The following MEIS3 variants were observed in gnomAD, a reference collection of about 807,000 sequenced individuals.
The protein encoded by MEIS3 is Meis homeobox 3, also known as homeobox protein Meis3.
A neutral mutation model predicts 51.4 loss-of-function variants in MEIS3; 38 were observed. The ratio of observed to expected loss-of-function variants is 0.74; its 90% CI spans 0.57 to 0.97. The LOEUF (loss-of-function observed/expected upper bound fraction) is 0.97, where lower values mean the gene tolerates loss of function less well. Ranked by LOEUF, MEIS3 falls within the 50% of genes least tolerant of loss-of-function variation. The pLI is 0.00. For missense variants in MEIS3, 456 were observed against 502.6 expected (o/e 0.91, Z 0.89); for synonymous variants, 198 against 201.8 (o/e 0.98, Z 0.16).
intron 12 of MEIS3, 141 bp from the exon 13 acceptor site, chr19:47,403,694 G>T: frequency 3.0e-6 from 1 of 333,142 alleles, no homozygotes; most frequent in South Asian, 2.2e-5. Context: ...CAGGGATGTG[G>T]GAGGGTCACA....
At chr19:47,419,849 C>CCCCT (rs1971641290), upstream of MEIS3, among the ~76,000 whole-genome samples, 2 of 152,064 alleles carry the variant, frequency 1.3e-5, no homozygotes, top group African/African-American at 4.8e-5. Flanking sequence ...TTCTCCGAGC[C>CCCCT]CCCTGGACAC....
intron 7 of MEIS3, 94 bp from the exon 8 acceptor site, chr19:47,409,341 C>T (rs2122497541): frequency 1.9e-6 from 3 of 1,576,406 alleles, no homozygotes; most frequent in Non-Finnish European, 2.6e-6. Context: ...CTCCACACCC[C>T]AGCCATCTCT....
chr19:47,418,551 CT>C (rs980060209), intron 1 of MEIS3: 1 of 152,430 alleles, frequency 6.6e-6, no homozygotes, highest in African/African-American at 2.4e-5. Context: ...TCTCCCACCC[CT>C]GTCCCACTCC....
upstream of MEIS3, among the ~76,000 whole-genome samples, chr19:47,420,091 G>C (rs886093568): frequency 3.3e-5 from 5 of 152,174 alleles, no homozygotes; most frequent in African/African-American, 4.8e-5. Context: ...CTCTGCCCCC[G>C]TGGCTGTCCT....
At chr19:47,420,977 CT>C (rs1971698637), upstream of MEIS3, among the ~76,000 whole-genome samples, 3 of 146,096 alleles carry the variant, frequency 2.1e-5, no homozygotes, top group Non-Finnish European at 3.0e-5. Flanking sequence ...CTCTCTCTTC[CT>C]GGCTGTCTCC....
At position 47,406,916 on chromosome 19, in the gene MEIS3, C is replaced by A. The variant is rs145292734; in HGVS notation, c.1050G>T (p.Thr350=). 1 of 1,578,814 alleles carries A rather than the reference C, an allele frequency of 6.3e-7. No homozygotes were observed. The part of the protein sequence containing the change: ...EGQPIGGYTE[T]QPHVAVRPPG... ...GAGGCCGGACGGCCACGTGTGGCTG[C>A]GTCTCGGTATAGCCCCCGATGGGCT... is the stretch of plus-strand genomic sequence containing the variant. Residue 350 remains threonine (T), a synonymous_variant, in exon 11 of 13, where the codon ACG becomes ACT. Coordinates refer to ENST00000558555, the MANE Select transcript of MEIS3 (RefSeq NM_001301059.2).
At position 47,403,437 on chromosome 19, in the gene MEIS3, G is replaced by A. The variant is rs1209509701; in HGVS notation, c.*134C>T. The stretch of plus-strand genomic sequence containing the variant: ...ACTCAGGCCCCCATGTCCCAGCAGG[G>A]CCCTAGGGAGGTAGGCATTGAGCAG... On this transcript the variant is annotated 3_prime_UTR_variant, in exon 13 of 13. Coordinates refer to ENST00000558555, the MANE Select transcript of MEIS3 (RefSeq NM_001301059.2). The A allele has an allele frequency of 2.2e-6, 1 of 455,154 alleles. No individual in the cohort carries two copies. Among genetic ancestry groups the A allele is most frequent in the Non-Finnish European group, 4.4e-6 (1 of 226,928 alleles). 28.2% of individuals were successfully genotyped at this position (455,154 alleles called of 1,614,324 possible). A position where few individuals can be genotyped will look rare whatever the true frequency, so the allele number is the denominator to read the frequency against.
chr19:47,406,676 G>A (rs1970834111), intron 11 of MEIS3, 150 bp from the exon 12 acceptor site: 1 of 901,008 alleles, frequency 1.1e-6, no homozygotes, highest in African/African-American at 1.7e-5. Flanking sequence ...AGAAAAAGTG[G>A]AGCCTTCCGA....
At position 47,407,099 on chromosome 19, in the gene MEIS3, A is replaced by C. The variant is rs1425166666; in HGVS notation, c.974T>G (p.Ile325Ser). ...TGTACCTGTGCGGTTGGATTGATCG[A>C]TCATAGGTTGCACGATGCGTCTCCG... ...NARRRIVQPM[I>S]DQSNRTGQGA... is the part of the protein sequence containing the mutation. Residue 325 changes from isoleucine (I) to serine (S), a missense_variant, in exon 10 of 13, where the codon ATC (isoleucine) becomes AGC (serine). Ile to Ser is a moderately radical substitution (Grantham distance 142, BLOSUM62 -2). Coordinates refer to ENST00000558555, the MANE Select transcript of MEIS3 (RefSeq NM_001301059.2). 1 of 1,611,450 alleles carries C rather than the reference A, an allele frequency of 6.2e-7. No individual in the cohort carries two copies. Among genetic ancestry groups the C allele is most frequent in the Non-Finnish European group, 8.5e-7 (1 of 1,179,202 alleles).
At chr19:47,417,616 G>C in intron 1 of MEIS3, 1 of 703,142 alleles carries the variant, frequency 1.4e-6, no homozygotes, top group Non-Finnish European at 2.6e-6. Flanking sequence ...GCAGGGTCTG[G>C]CTGGGAGGGA....
chr19:47,421,085 G>A (rs576835635), upstream of MEIS3, among the ~76,000 whole-genome samples: 18 of 151,878 alleles, frequency 1.2e-4, no homozygotes, highest in South Asian at 1.5e-3. Context: ...ACTGCGTCGC[G>A]GCTGCCTGTC....
In MEIS3 at chr19:47,406,505, T is replaced by C. The variant is rs754149809; in HGVS notation, c.1100A>G (p.Asn367Ser). The C allele has an allele frequency of 1.2e-5, 20 of 1,613,882 alleles. No individual in the cohort carries two copies. Among genetic ancestry groups the C allele is most frequent in the Non-Finnish European group, 1.6e-5 (19 of 1,179,916 alleles). ...RPPGSVGMSLNLEGEWHYL is the reference protein window; with the variant it reads ...RPPGSVGMSLSLEGEWHYL Reference sequence around the variant, plus strand: ...TAGATAATGCCATTCTCCTTCCAAGTTCAAACTCATCCCCACTGATCCTGG... The same window carrying C: ...TAGATAATGCCATTCTCCTTCCAAGCTCAAACTCATCCCCACTGATCCTGG... Residue 367 changes from asparagine to serine, a missense_variant, in exon 12 of 13, where the codon AAC becomes AGC. By Grantham distance (46) the Asn-to-Ser change is conservative. Transcript: ENST00000558555.
intron 1 of MEIS3, chr19:47,417,698 C>G (rs2122567830): frequency 2.9e-6 from 2 of 701,308 alleles, no homozygotes; most frequent in African/African-American, 3.5e-5. Flanking sequence ...GAGGGAGATC[C>G]ATGGACACCT....
At chr19:47,416,575 C>G (rs543802240) in intron 4 of MEIS3, 77 bp downstream of exon 4, 17 of 1,259,742 alleles carry the variant, frequency 1.3e-5, no homozygotes, top group Non-Finnish European at 1.6e-5. Flanking sequence ...TGCACCCCCC[C>G]CACCAACCCC....
In MEIS3 at chr19:47,403,285, C is replaced by A. The variant is rs1240506049; in HGVS notation, c.*286G>T. The A allele has an allele frequency of 7.9e-6, 3 of 378,204 alleles. No individual in the cohort carries two copies. Among genetic ancestry groups the A allele is most frequent in the Non-Finnish European group, 1.6e-5 (3 of 192,650 alleles). The allele number at this position is 378,204 out of a possible 1,614,324, so 23.4% of individuals were successfully genotyped here. ...TCCCTTCTCTGTCCTGGCGGCGAGG[C>A]CCTAGCCGCCATCTTCTGGGGACCA... On this transcript the variant is annotated 3_prime_UTR_variant, in exon 13 of 13. Transcript: ENST00000558555.
At chr19:47,406,756 G>A (rs1160445460) in intron 11 of MEIS3, 132 bp downstream of exon 11, 5 of 923,934 alleles carry the variant, frequency 5.4e-6, no homozygotes, top group Non-Finnish European at 8.0e-6. Flanking sequence ...AATCTGCCTT[G>A]GCATCACCTG....
At chr19:47,408,842 A>G (rs534512771) in intron 8 of MEIS3, among the ~76,000 whole-genome samples, 1 of 152,222 alleles carries the variant, frequency 6.6e-6, no homozygotes, top group African/African-American at 2.4e-5. Context: ...GATGGTGGGC[A>G]GGTGGATGAT....
intron 1 of MEIS3, chr19:47,417,819 T>C (rs1971530629): frequency 1.6e-6 from 1 of 615,450 alleles, no homozygotes; most frequent in South Asian, 1.9e-5. Context: ...CTCAACAACA[T>C]GTCACACTCC....
At chr19:47,411,681 C>T (rs1158156913) in intron 6 of MEIS3, among the ~76,000 whole-genome samples, 4 of 151,762 alleles carry the variant, frequency 2.6e-5, no homozygotes, top group African/African-American at 9.7e-5. Flanking sequence ...GCTGGGATTA[C>T]AGGTGTGTGC....
Sources: allele counts gnomAD v4.1 joint callset (sites outside exome capture counted in the v4.1 genomes callset), GRCh38; gene constraint gnomAD v4.1.1; transcripts MANE v1.5; gene names NCBI Gene and HGNC (gene_info 2026-07-23, HGNC 2026-07-21).